AP3D1: variants seen among roughly 807,000 people sequenced by gnomAD.
AP3D1 encodes AP-3 complex subunit delta-1.
Under a neutral mutation model 147.6 loss-of-function variants are expected in AP3D1, and 51 were observed. That is an observed-to-expected ratio of 0.35 (90% CI 0.28 to 0.44). AP3D1 has a LOEUF of 0.44. Among genes scored for constraint, AP3D1 ranks in the 20% least tolerant of loss-of-function variants. AP3D1 has a pLI of 1.00. For synonymous variants in AP3D1, 760 were observed against 663.0 expected (o/e 1.15, Z -2.25); for missense variants, 1,421 against 1,624.2 (o/e 0.87, Z 2.15).
Position 2,139,630 on chromosome 19 carries a change from C to G in AP3D1, c.97-916G>C, listed in dbSNP as rs1040371808. Among the ~76,000 whole-genome samples, 71 of 152,326 alleles carry G rather than the reference C, an allele frequency of 4.7e-4. 1 individual carries two copies. Among genetic ancestry groups the G allele is most frequent in the Middle Eastern group, 3.4e-3 (1 of 294 alleles). ...CACCTGGAAGGAGAGGAGGGAGCAG[C>G]AGAGGCTTGGAGTGCCTCCATCAGT... On this transcript the variant is annotated intron_variant, in intron 1 of 31. Transcript: ENST00000643116.
upstream of AP3D1, among the ~76,000 whole-genome samples, chr19:2,154,276 T>G (rs754700268): frequency 2.1e-4 from 14 of 66,792 alleles, no homozygotes; most frequent in South Asian, 4.1e-4. Context: ...TTATTTATGG[T>G]TTTTTTTTTC....
chr19:2,115,311 CCTT>C lies in AP3D1; in HGVS notation c.2254_2256del (p.Lys752del). 6 of 1,611,962 alleles carry C rather than the reference CCTT, an allele frequency of 3.7e-6. No individual in the cohort carries two copies. The highest frequency in any genetic ancestry group is 1.1e-5 in the South Asian group (1 of 91,086). ...GGCAGCGAGCTGTGGCGGCGCTTGCCCTTCTTCTCCTTCTCCTTCCTCTTTTTC... is the reference window on the plus strand; with the variant it reads ...GGCAGCGAGCTGTGGCGGCGCTTGCCCTTCTCCTTCTCCTTCCTCTTTTTC... On this transcript the variant is annotated inframe_deletion, in exon 20 of 32. Transcript: ENST00000643116.
intron 27 of AP3D1, 121 bp from the exon 28 acceptor site, chr19:2,110,345 C>T: frequency 1.2e-6 from 1 of 848,816 alleles, no homozygotes; most frequent in Non-Finnish European, 1.9e-6. Context: ...AGCTCAGCCC[C>T]CAAGGGAGCA....
chr19:2,105,684 A>C (rs985853577), intron 31 of AP3D1, among the ~76,000 whole-genome samples: 2 of 152,036 alleles, frequency 1.3e-5, no homozygotes, highest in African/African-American at 4.8e-5. Context: ...AGTGTCTTTA[A>C]TTCCTCTAGC....
chr19:2,115,343 CTCT>C lies in AP3D1; in HGVS notation c.2222_2224del (p.Lys741del). ...CTCCTTCTCCTTCCTCTTTTTCCTC[CTCT>C]TGTCCTTCTCCAGCTTCTGCCGGTG... On this transcript the variant is annotated inframe_deletion, in exon 20 of 32. Transcript: ENST00000643116. 3.1e-6 allele frequency: 5 copies of C among 1,609,684 alleles called. No individual in the cohort carries two copies. Among genetic ancestry groups the C allele is most frequent in the Non-Finnish European group, 4.2e-6 (5 of 1,179,874 alleles).
intron 1 of AP3D1, among the ~76,000 whole-genome samples, chr19:2,162,682 CA>C (rs5826757): frequency 0.47 from 69,071 of 147,936 alleles, 16,098 homozygotes; most frequent in Non-Finnish European, 0.49. Flanking sequence ...CCCCCCCACT[CA>C]AAAAAAAAAC....
At chr19:2,162,969 C>T (rs954920501) in intron 1 of AP3D1, among the ~76,000 whole-genome samples, 2 of 152,092 alleles carry the variant, frequency 1.3e-5, no homozygotes, top group Admixed American at 6.6e-5. Context: ...CTAACTTCAC[C>T]GACTCCCTCT....
At chr19:2,136,577 G>C (rs757772216) in intron 4 of AP3D1, among the ~76,000 whole-genome samples, 1 of 152,172 alleles carries the variant, frequency 6.6e-6, no homozygotes, top group Non-Finnish European at 1.5e-5. Flanking sequence ...CATTTACATG[G>C]TGCTGAAAAA....
At chr19:2,108,291 C>A (rs1420145962) in intron 31 of AP3D1, among the ~76,000 whole-genome samples, 2 of 152,238 alleles carry the variant, frequency 1.3e-5, no homozygotes, top group Admixed American at 6.5e-5. Flanking sequence ...AAGACAACCA[C>A]CCTGCAGTAC....
chr19:2,145,592 G>T (rs939133311), intron 1 of AP3D1, among the ~76,000 whole-genome samples: 3 of 152,122 alleles, frequency 2.0e-5, no homozygotes, highest in African/African-American at 7.2e-5. Context: ...GCCACGGCTG[G>T]GCCAGAGCAC....
At chr19:2,161,015 C>T (rs954353421) in intron 1 of AP3D1, among the ~76,000 whole-genome samples, 3 of 152,032 alleles carry the variant, frequency 2.0e-5, no homozygotes, top group African/African-American at 7.2e-5. Flanking sequence ...ATCCCATGAT[C>T]CACCACCCTG....
rs377686701 is a variant in AP3D1, at chr19:2,112,929, G to T, written c.2718C>A (p.Asp906Glu). The stretch of plus-strand genomic sequence containing the variant: ...CCTCCGTCTTGGCGTCCTCACACTC[G>T]TCCTTCGGGGTAGTGACAGTGTTCA... The part of the protein sequence containing the change: ...LSVNTVTTPK[D>E]ECEDAKTEAQ... Residue 906 changes from aspartate to glutamate, a missense_variant, in exon 24 of 32, where the codon GAC becomes GAA. This residue lies in a region of AP3D1 where 791 missense variants were observed against 761.4 expected (regional missense o/e 1.04). Transcript: ENST00000643116. The T allele has an allele frequency of 1.9e-6, 3 of 1,612,988 alleles. No individual in the cohort carries two copies. The highest frequency in any genetic ancestry group is 1.3e-5 in the African/African-American group (1 of 74,910).
chr19:2,156,675 C>A (rs978780230), intron 1 of AP3D1, among the ~76,000 whole-genome samples: 4 of 151,946 alleles, frequency 2.6e-5, no homozygotes, highest in African/African-American at 9.7e-5. Context: ...ACAGTGAAAC[C>A]CCGTCTCTAC....
chr19:2,146,505 G>C lies in AP3D1; in HGVS notation c.96+4734C>G, dbSNP rs541372944. On this transcript the variant is annotated intron_variant, in intron 1 of 31. Transcript: ENST00000643116. Reference sequence around the variant, plus strand: ...TGTAATCCCAGCTACTTCGGAGGCTGAGGCAGGAGAATCACTTGAACCCAG... The same window carrying C: ...TGTAATCCCAGCTACTTCGGAGGCTCAGGCAGGAGAATCACTTGAACCCAG... Among the ~76,000 whole-genome samples the C allele has an allele frequency of 1.3e-4, 19 of 151,724 alleles. No individual in the cohort carries two copies. The South Asian group carries it at 4.0e-3, about 32-fold the overall frequency.
intron 31 of AP3D1, among the ~76,000 whole-genome samples, chr19:2,103,214 A>G (rs2018008300): frequency 7.0e-6 from 1 of 143,672 alleles, no homozygotes; most frequent in Non-Finnish European, 1.5e-5. Flanking sequence ...CGAATTTGCT[A>G]ATTATTAAAA....
In AP3D1 at chr19:2,159,148, C is replaced by T. The variant is rs2019673328; in HGVS notation, c.-103+5208G>A. ...GGGATTACAGGCACACACCACCAGGCCAGGCTAATTTTTTTATTTTTAGTA... is the reference window on the plus strand; with the variant it reads ...GGGATTACAGGCACACACCACCAGGTCAGGCTAATTTTTTTATTTTTAGTA... On this transcript the variant is annotated intron_variant, in intron 1 of 14. Transcript: ENST00000643010. 2.0e-5 allele frequency among the ~76,000 whole-genome samples: 3 copies of T among 151,904 alleles called. 1 individual carries two copies. In the South Asian group the frequency reaches 6.2e-4, roughly 32 times the overall value.
At position 2,113,614 on chromosome 19, in the gene AP3D1, G is replaced by A. The variant is rs140084829; in HGVS notation, c.2602-201C>T. Among the ~76,000 whole-genome samples the A allele has an allele frequency of 3.3e-3, 505 of 152,340 alleles. 3 individuals carry two copies. Among genetic ancestry groups the A allele is most frequent in the African/African-American group, 0.012 (483 of 41,592 alleles). On this transcript the variant is annotated intron_variant, in intron 22 of 31. Coordinates refer to ENST00000643116, the MANE Select transcript of AP3D1 (RefSeq NM_001261826.3). ...CTGCTGGCTCTGGCTTTCGCTGCCA[G>A]AAGAGGGCCGGGGACAAAGCTGTGG...
upstream of AP3D1, among the ~76,000 whole-genome samples, chr19:2,156,047 C>T (rs11882985): frequency 0.044 from 5,988 of 137,254 alleles, 398 homozygotes; most frequent in African/African-American, 0.15. Context: ...AGCGAGACTC[C>T]GTCTCAAAAA....
chr19:2,109,779 C>G lies in AP3D1; in HGVS notation c.3350+94G>C, dbSNP rs1599441216. 7.3e-6 allele frequency: 9 copies of G among 1,233,818 alleles called. No homozygotes were observed. The East Asian group carries it at 2.1e-4, about 29-fold the overall frequency. The allele number at this position is 1,233,818 out of a possible 1,614,324, so 76.4% of individuals were successfully genotyped here. ...CTCCAAATCCGTCTCTAAAGTCCTG[C>G]CCAGAAGCCTCAGTCCCCGGGGCAC... On this transcript the variant is annotated intron_variant, in intron 29 of 31. Transcript: ENST00000643116.
Sources: allele counts gnomAD v4.1 joint callset (sites outside exome capture counted in the v4.1 genomes callset), GRCh38; gene constraint gnomAD v4.1.1; regional missense constraint gnomAD v4.1.1; transcripts MANE v1.5; gene names NCBI Gene and HGNC (gene_info 2026-07-23, HGNC 2026-07-21).